The following DCC variants were observed in gnomAD, a reference collection of about 807,000 sequenced individuals.
DCC encodes DCC netrin 1 receptor, also known as netrin receptor DCC.
A neutral mutation model predicts 172.5 loss-of-function variants in DCC; 58 were observed. The ratio of observed to expected loss-of-function variants is 0.34; its 90% CI spans 0.27 to 0.42. DCC has a LOEUF of 0.42. DCC is among the 10% of genes least tolerant of loss of function. The pLI, the probability that DCC is intolerant of heterozygous loss-of-function variation, is 1.00. For synonymous variants in DCC, 709 were observed against 644.5 expected (o/e 1.10, Z -1.52); for missense variants, 1,740 against 1,791.0 (o/e 0.97, Z 0.51).
rs896746122 is a variant in DCC at position 53,211,507 on chromosome 18, A to G, written c.1861+3690A>G. ...GGGAGGCCCAGGCGGGCAGATCACAAGGTCAGGAGATCTAAAGCATCCTGG... is the reference window on the plus strand; with the variant it reads ...GGGAGGCCCAGGCGGGCAGATCACAGGGTCAGGAGATCTAAAGCATCCTGG... On this transcript the variant is annotated intron_variant, in intron 11 of 28. Transcript: ENST00000442544. Among the ~76,000 whole-genome samples the G allele has an allele frequency of 3.3e-5, 5 of 152,282 alleles. No individual in the cohort carries two copies. The East Asian group carries it at 7.7e-4, about 24-fold the overall frequency.
intron 8 of DCC, among the ~76,000 whole-genome samples, chr18:53,174,584 G>A (rs2055061724): frequency 6.6e-6 from 1 of 151,072 alleles, no homozygotes; most frequent in East Asian, 1.9e-4. Flanking sequence ...AGAAGAAATG[G>A]ATAAATTCCT....
At chr18:52,737,094 C>T (rs1418625532) in intron 1 of DCC, among the ~76,000 whole-genome samples, 1 of 152,118 alleles carries the variant, frequency 6.6e-6, no homozygotes, top group African/African-American at 2.4e-5. Flanking sequence ...AAATTTTAGG[C>T]TTTTACTATT....
chr18:52,416,425 T>C (rs1302197046), intron 1 of DCC, among the ~76,000 whole-genome samples: 17 of 151,962 alleles, frequency 1.1e-4, no homozygotes, highest in Admixed American at 9.2e-4. Context: ...TCCTGGGTGT[T>C]CTTGTTAACT....
intron 27 of DCC, among the ~76,000 whole-genome samples, chr18:53,523,066 C>A (rs1462158629): frequency 3.3e-5 from 5 of 152,104 alleles, no homozygotes; most frequent in Non-Finnish European, 5.9e-5. Flanking sequence ...AACAAATTTA[C>A]ATGAAGAAAA....
intron 1 of DCC, among the ~76,000 whole-genome samples, chr18:52,588,860 C>A (rs1440406965): frequency 2.0e-5 from 3 of 150,378 alleles, no homozygotes; most frequent in African/African-American, 7.4e-5. Context: ...GATATGCCAA[C>A]AGCATCTTTT....
chr18:52,421,256 T>G (rs1406291130), intron 1 of DCC, among the ~76,000 whole-genome samples: 2 of 152,164 alleles, frequency 1.3e-5, no homozygotes, highest in Non-Finnish European at 2.9e-5. Flanking sequence ...AGAAATCATG[T>G]AGACAGGTAG....
chr18:53,234,200 A>G (rs1598931882), intron 12 of DCC, among the ~76,000 whole-genome samples: 1 of 152,006 alleles, frequency 6.6e-6, no homozygotes, highest in Non-Finnish European at 1.5e-5. Flanking sequence ...CAGTGAACTG[A>G]AATCGCACCA....
chr18:52,863,400 A>G (rs1471687720), intron 2 of DCC, among the ~76,000 whole-genome samples: 2 of 151,840 alleles, frequency 1.3e-5, no homozygotes, highest in South Asian at 2.1e-4. Flanking sequence ...TACATATCGT[A>G]TAAGTTTTAA....
intron 7 of DCC, among the ~76,000 whole-genome samples, chr18:53,149,674 T>C (rs1184229235): frequency 6.6e-6 from 1 of 152,236 alleles, no homozygotes; most frequent in African/African-American, 2.4e-5. Context: ...GATTTGAGCA[T>C]AAAACCTTTA....
At chr18:52,471,269 G>A (rs1032619821) in intron 1 of DCC, among the ~76,000 whole-genome samples, 7 of 152,172 alleles carry the variant, frequency 4.6e-5, no homozygotes, top group South Asian at 2.1e-4. Context: ...AGGACTGCTT[G>A]AGCCCAGGAA....
chr18:53,052,469 T>C (rs1568272268), intron 5 of DCC, among the ~76,000 whole-genome samples: 1 of 152,066 alleles, frequency 6.6e-6, no homozygotes, highest in Non-Finnish European at 1.5e-5. Flanking sequence ...ATGCCTGTCT[T>C]TTATCTTGAT....
intron 25 of DCC, among the ~76,000 whole-genome samples, chr18:53,474,922 A>G (rs2045743573): frequency 6.6e-6 from 1 of 152,218 alleles, no homozygotes; most frequent in South Asian, 2.1e-4. Flanking sequence ...CTTTGGCCAA[A>G]ATGCTGATAA....
intron 12 of DCC, among the ~76,000 whole-genome samples, chr18:53,236,482 T>C (rs918161242): frequency 3.3e-5 from 5 of 152,106 alleles, no homozygotes; most frequent in African/African-American, 1.2e-4. Context: ...TTGTTAACAT[T>C]TTCTACAAAT....
chr18:52,655,956 A>ATG (rs58903211), intron 1 of DCC, among the ~76,000 whole-genome samples: 2,825 of 135,260 alleles, frequency 0.021, 96 homozygotes, highest in African/African-American at 0.067. Flanking sequence ...TTAAATATAT[A>ATG]TGTGTGTGTG....
intron 7 of DCC, among the ~76,000 whole-genome samples, chr18:53,114,345 TGAAAA>T (rs1040771032): frequency 8.6e-5 from 13 of 151,664 alleles, no homozygotes; most frequent in South Asian, 8.3e-4. Flanking sequence ...TATTTAACTT[TGAAAA>T]GAAAAGTGAC....
intron 12 of DCC, among the ~76,000 whole-genome samples, chr18:53,266,846 G>A (rs548800098): frequency 2.1e-4 from 32 of 151,344 alleles, no homozygotes; most frequent in Admixed American, 7.3e-4. Flanking sequence ...TTTGGAGCAC[G>A]TGCCAATATT....
rs368918001 is a variant in DCC at position 53,191,825 on chromosome 18, G to C, written c.1573+12709G>C. Among the ~76,000 whole-genome samples the C allele has an allele frequency of 2.0e-4, 31 of 151,962 alleles. 1 individual carries two copies. The highest frequency in any genetic ancestry group is 6.5e-4 in the African/African-American group (27 of 41,384). ...TCATTTTTTTTTTCCTGTTGATCTGGCACTTTGTGTCACCAATAGAAATAA... is the reference window on the plus strand; with the variant it reads ...TCATTTTTTTTTTCCTGTTGATCTGCCACTTTGTGTCACCAATAGAAATAA... On this transcript the variant is annotated intron_variant, in intron 9 of 28. Coordinates refer to ENST00000442544, the MANE Select transcript of DCC (RefSeq NM_005215.4).
At chr18:52,426,954 C>A (rs558335554) in intron 1 of DCC, among the ~76,000 whole-genome samples, 37 of 152,178 alleles carry the variant, frequency 2.4e-4, no homozygotes, top group Admixed American at 1.5e-3. Context: ...TCTCCCAAAT[C>A]CTGACAATAG....
chr18:53,507,046 G>C (rs1287984591), intron 27 of DCC, among the ~76,000 whole-genome samples: 2 of 152,010 alleles, frequency 1.3e-5, no homozygotes, highest in African/African-American at 4.8e-5. Flanking sequence ...TACAACCTCA[G>C]TTACTACAGA....
Sources: allele counts gnomAD v4.1 joint callset (sites outside exome capture counted in the v4.1 genomes callset), GRCh38; gene constraint gnomAD v4.1.1; transcripts MANE v1.5; gene names NCBI Gene and HGNC (gene_info 2026-07-23, HGNC 2026-07-21).